The following RBM33 variants were observed in gnomAD, a reference collection of about 807,000 sequenced individuals.
RBM33 encodes the protein RNA binding motif protein 33.
RBM33 carries 28 observed loss-of-function variants against 132.6 expected under a neutral mutation model. The observed-to-expected ratio is 0.21, with a 90% confidence interval of 0.16 to 0.29. The LOEUF is 0.29. Among genes scored for constraint, RBM33 ranks in the 10% least tolerant of loss-of-function variants. RBM33 has a pLI of 1.00. For synonymous variants in RBM33, 634 were observed against 593.0 expected (o/e 1.07, Z -1.01); for missense variants, 1,291 against 1,518.5 (o/e 0.85, Z 2.49).
chr7:155,752,391 G>A (rs1170276766), intron 14 of RBM33, among the ~76,000 whole-genome samples: 1 of 152,090 alleles, frequency 6.6e-6, no homozygotes, highest in African/African-American at 2.4e-5. Flanking sequence ...ATAGGTCATT[G>A]GTGGGAATTA....
At chr7:155,673,750 A>C (rs1360676192) in intron 3 of RBM33, among the ~76,000 whole-genome samples, 3 of 89,154 alleles carry the variant, frequency 3.4e-5, no homozygotes, top group Non-Finnish European at 7.2e-5. Context: ...ACACACGTGT[A>C]TATACGCGCG....
intron 5 of RBM33, among the ~76,000 whole-genome samples, chr7:155,697,361 T>C (rs1799823246): frequency 6.6e-6 from 1 of 152,176 alleles, no homozygotes; most frequent in Non-Finnish European, 1.5e-5. Context: ...AGATTTTGTT[T>C]CTGTATTAAT....
chr7:155,741,322 G>A (rs1277549436), intron 12 of RBM33, among the ~76,000 whole-genome samples: 1 of 151,322 alleles, frequency 6.6e-6, no homozygotes, highest in African/African-American at 2.4e-5. Flanking sequence ...ATTTCCTCTC[G>A]AGTAAAACGT....
intron 9 of RBM33, among the ~76,000 whole-genome samples, chr7:155,722,283 T>G (rs1219628435): frequency 6.6e-6 from 1 of 152,236 alleles, no homozygotes; most frequent in Non-Finnish European, 1.5e-5. Context: ...AGTCTTCTGG[T>G]CTGGCCTCTT....
intron 14 of RBM33, among the ~76,000 whole-genome samples, chr7:155,760,602 A>G (rs1563180110): frequency 6.6e-6 from 1 of 152,378 alleles, no homozygotes; most frequent in South Asian, 2.1e-4. Context: ...TCAGGCAACA[A>G]CATTGCAATA....
chr7:155,673,766 G>GCACACACACACA (rs776340484), intron 3 of RBM33, among the ~76,000 whole-genome samples: 37 of 120,302 alleles, frequency 3.1e-4, no homozygotes, highest in East Asian at 2.3e-3. Context: ...GCGCGCATGC[G>GCACACACACACA]CGCACACACA....
At chr7:155,725,439 C>A (rs1408331936) in intron 9 of RBM33, among the ~76,000 whole-genome samples, 1 of 151,850 alleles carries the variant, frequency 6.6e-6, no homozygotes, top group Non-Finnish European at 1.5e-5. Flanking sequence ...GGACTGGAGG[C>A]CAGTTCTCTT....
At chr7:155,673,693 CAT>C (rs554851908) in intron 3 of RBM33, among the ~76,000 whole-genome samples, 65 of 130,842 alleles carry the variant, frequency 5.0e-4, no homozygotes, top group African/African-American at 2.0e-3. Context: ...TATATACACA[CAT>C]ATATACATAC....
rs530318334 is a variant in RBM33 at position 155,664,239 on chromosome 7, A to G, written c.44-936A>G. Among the ~76,000 whole-genome samples, 4 of 146,386 alleles carry G rather than the reference A, an allele frequency of 2.7e-5. No homozygotes were observed. In the East Asian group the frequency reaches 8.0e-4, roughly 29 times the overall value. ...TGAGTACACATTATGACTTATATATATATATGTGTGTGTGTGTGTATATAC... is the reference window on the plus strand; with the variant it reads ...TGAGTACACATTATGACTTATATATGTATATGTGTGTGTGTGTGTATATAC... On this transcript the variant is annotated intron_variant, in intron 1 of 17. Coordinates refer to ENST00000401878, the MANE Select transcript of RBM33 (RefSeq NM_053043.3).
At position 155,774,910 on chromosome 7, in the gene RBM33, G is replaced by T; in HGVS notation, c.3465-83G>T. On this transcript the variant is annotated intron_variant, in intron 17 of 17. Transcript: ENST00000401878. This position sits in a 1 kb window ranked among gnomAD's most constrained non-coding sequence, Gnocchi z 4.2. The stretch of plus-strand genomic sequence containing the variant: ...CGTTTTTATTAAACAGGACCCACCG[G>T]GCTCTTTTAGTTTCCTCCCACCTTG... 2 of 1,248,538 alleles carry T rather than the reference G, an allele frequency of 1.6e-6. No individual in the cohort carries two copies. Among genetic ancestry groups the T allele is most frequent in the Non-Finnish European group, 2.3e-6 (2 of 851,302 alleles). 77.3% of individuals were successfully genotyped at this position (1,248,538 alleles called of 1,614,324 possible).
chr7:155,749,098 G>A (rs1021311097), intron 14 of RBM33, among the ~76,000 whole-genome samples: 1 of 152,052 alleles, frequency 6.6e-6, no homozygotes, highest in African/African-American at 2.4e-5. Flanking sequence ...TCTGTTCTTT[G>A]GGACCCCGAA....
chr7:155,697,787 G>A (rs1004113996), intron 5 of RBM33, among the ~76,000 whole-genome samples: 5 of 152,066 alleles, frequency 3.3e-5, no homozygotes, highest in Admixed American at 1.3e-4. Flanking sequence ...ACGAAATAAA[G>A]CCTAAGTGGA....
intron 1 of RBM33, among the ~76,000 whole-genome samples, chr7:155,653,110 CACTT>C (rs1798400639): frequency 6.6e-6 from 1 of 152,002 alleles, no homozygotes; most frequent in Non-Finnish European, 1.5e-5. Flanking sequence ...CTTCAATAGA[CACTT>C]GAGTTGCTTC....
intron 9 of RBM33, among the ~76,000 whole-genome samples, chr7:155,725,843 C>G (rs1289004134): frequency 6.6e-6 from 1 of 152,136 alleles, no homozygotes; most frequent in Non-Finnish European, 1.5e-5. Context: ...AAACCTAGTA[C>G]TTGGCACTAG....
intron 5 of RBM33, 85 bp downstream of exon 5, chr7:155,680,993 C>T: frequency 9.0e-7 from 1 of 1,106,542 alleles, no homozygotes; most frequent in Non-Finnish European, 1.3e-6. Flanking sequence ...CTATTTACCT[C>T]CCCTGGGAGG....
chr7:155,654,051 T>C (rs969204523), intron 1 of RBM33, among the ~76,000 whole-genome samples: 8 of 152,214 alleles, frequency 5.3e-5, no homozygotes, highest in African/African-American at 1.9e-4. Flanking sequence ...TTAAAAAATA[T>C]TGCAAAAGAT....
intron 5 of RBM33, among the ~76,000 whole-genome samples, chr7:155,690,600 T>G (rs1215339246): frequency 6.6e-6 from 1 of 152,234 alleles, no homozygotes; most frequent in Non-Finnish European, 1.5e-5. Context: ...TTGCAGTGGC[T>G]GGTACCGGTT....
intron 1 of RBM33, among the ~76,000 whole-genome samples, chr7:155,652,532 A>G (rs1306674390): frequency 6.6e-6 from 1 of 152,242 alleles, no homozygotes; most frequent in Non-Finnish European, 1.5e-5. Flanking sequence ...GATTCTGGAA[A>G]AGAAGAAGAA....
intron 5 of RBM33, among the ~76,000 whole-genome samples, chr7:155,694,041 G>A (rs916131893): frequency 2.6e-5 from 4 of 152,080 alleles, no homozygotes; most frequent in African/African-American, 4.8e-5. Context: ...CTGTGTTGCC[G>A]CACGCTTTGG....
Sources: gnomAD v4.1 joint callset for allele counts (sites outside exome capture counted in the v4.1 genomes callset) on GRCh38, gnomAD v4.1.1 for gene constraint, Gnocchi (gnomAD v3.1) non-coding constraint, MANE v1.5 for transcripts, NCBI Gene and HGNC (gene_info 2026-07-23, HGNC 2026-07-21) for gene names.